Variants in DCC observed in about 807,000 individuals in gnomAD.
DCC encodes DCC netrin 1 receptor.
DCC carries 58 observed loss-of-function variants against 172.5 expected under a neutral mutation model. The observed-to-expected ratio is 0.34, with a 90% CI of 0.27 to 0.42. The LOEUF (loss-of-function observed/expected upper bound fraction) is 0.42, where lower values mean the gene tolerates loss of function less well. Among genes scored for constraint, DCC ranks in the 10% least tolerant of loss-of-function variants. The pLI is 1.00. For missense variants in DCC, 1,740 were observed against 1,791.0 expected, an observed-to-expected ratio of 0.97 and a Z score of 0.51; for synonymous variants, 709 against 644.5, an observed-to-expected ratio of 1.10 and a Z score of -1.52.
intron 1 of DCC, among the ~76,000 whole-genome samples, chr18:52,404,405 G>A (rs1421641561): frequency 2.0e-5 from 3 of 150,038 alleles, no homozygotes; most frequent in African/African-American, 7.6e-5. Context: ...GATAACATAA[G>A]AGTAAAATGA....
chr18:52,825,663 TATG>T (rs1205913270), intron 2 of DCC, among the ~76,000 whole-genome samples: 1 of 149,780 alleles, frequency 6.7e-6, no homozygotes, highest in African/African-American at 2.5e-5. Context: ...TAATGGAAAA[TATG>T]ATCATAATTG....
intron 1 of DCC, among the ~76,000 whole-genome samples, chr18:52,560,830 AT>A (rs2033019251): frequency 6.6e-6 from 1 of 152,222 alleles, no homozygotes; most frequent in African/African-American, 2.4e-5. Context: ...ACTGGATGTG[AT>A]ATAAAGTATT....
At chr18:52,942,331 T>A (rs1415320094) in intron 5 of DCC, among the ~76,000 whole-genome samples, 1 of 152,222 alleles carries the variant, frequency 6.6e-6, no homozygotes, top group Admixed American at 6.5e-5. Flanking sequence ...ACTTTTCTAA[T>A]ACATTATTTC....
At chr18:53,007,329 T>C (rs533342869) in intron 5 of DCC, among the ~76,000 whole-genome samples, 43 of 152,252 alleles carry the variant, frequency 2.8e-4, no homozygotes, top group Non-Finnish European at 5.4e-4. Flanking sequence ...TGTCAGCCAA[T>C]TAAATGAGCA....
intron 1 of DCC, among the ~76,000 whole-genome samples, chr18:52,450,594 C>T (rs1309750291): frequency 6.6e-6 from 1 of 152,148 alleles, no homozygotes; most frequent in Non-Finnish European, 1.5e-5. Context: ...CCTGCCCAAA[C>T]GTTTCTTACT....
chr18:53,300,989 C>CTTTCTTTCTTTCTTTCTTTCT (rs1458725496), intron 12 of DCC, among the ~76,000 whole-genome samples: 2 of 146,590 alleles, frequency 1.4e-5, no homozygotes, highest in Admixed American at 1.4e-4. Context: ...TTCTTTCTTT[C>CTTTCTTTCTTTCTTTCTTTCT]TTTTTTTTTC....
chr18:53,316,016 G>T (rs2057339933), intron 13 of DCC, among the ~76,000 whole-genome samples: 1 of 152,028 alleles, frequency 6.6e-6, no homozygotes, highest in Non-Finnish European at 1.5e-5. Context: ...CATTGCTTTT[G>T]GTGTTTTAGT....
chr18:53,368,218 T>C (rs574856681), intron 15 of DCC, among the ~76,000 whole-genome samples: 11 of 152,204 alleles, frequency 7.2e-5, no homozygotes, highest in Non-Finnish European at 1.3e-4. Flanking sequence ...CTTGTACTTA[T>C]TGGCCATTGT....
At chr18:52,622,245 G>A (rs1000946490) in intron 1 of DCC, among the ~76,000 whole-genome samples, 4 of 152,116 alleles carry the variant, frequency 2.6e-5, no homozygotes, top group Admixed American at 6.5e-5. Flanking sequence ...CCAAGGTTCT[G>A]GAAATGGAGT....
intron 1 of DCC, among the ~76,000 whole-genome samples, chr18:52,719,096 G>C (rs1046106444): frequency 6.6e-6 from 1 of 151,948 alleles, no homozygotes; most frequent in African/African-American, 2.4e-5. Flanking sequence ...TCCAACCTCT[G>C]CCTCTGTGGC....
chr18:52,788,416 C>T (rs949958959), intron 2 of DCC, among the ~76,000 whole-genome samples: 2 of 152,114 alleles, frequency 1.3e-5, no homozygotes, highest in Non-Finnish European at 2.9e-5. Flanking sequence ...CAGGCCTTAC[C>T]TATCTGTAAA....
In DCC at chr18:53,459,431, C is replaced by G; in HGVS notation, c.3592C>G (p.Leu1198Val). ...PVSHSQSETQ[L>V]GSKSTSHSGQ... ...CAGCCACAGCCAGTCAGAAACCCAA[C>G]TGGGAAGCAAAAGCACCTCTCATTC... The change falls in exon 24 of 29, where the codon CTG becomes GTG. Residue 1198 changes from leucine to valine, a missense_variant. Physicochemically the swap from Leu to Val is conservative, Grantham distance 32. Transcript: ENST00000442544. 2 of 1,613,010 alleles carry G rather than the reference C, an allele frequency of 1.2e-6. No homozygotes were observed. Among genetic ancestry groups the G allele is most frequent in the South Asian group, 2.2e-5 (2 of 91,064 alleles).
intron 2 of DCC, among the ~76,000 whole-genome samples, chr18:52,884,465 G>T (rs1395492793): frequency 6.6e-6 from 1 of 151,364 alleles, no homozygotes; most frequent in East Asian, 1.9e-4. Flanking sequence ...TGCTCAATCA[G>T]TTTTGCTATT....
intron 2 of DCC, among the ~76,000 whole-genome samples, chr18:52,900,154 C>A (rs1051223254): frequency 3.3e-5 from 5 of 152,304 alleles, no homozygotes; most frequent in East Asian, 3.9e-4. Context: ...TCTGTTACTG[C>A]ATTGAACTAT....
At chr18:53,426,313 T>A (rs1378004727) in intron 21 of DCC, among the ~76,000 whole-genome samples, 1 of 50,362 alleles carries the variant, frequency 2.0e-5, no homozygotes, top group Non-Finnish European at 7.5e-5. Context: ...ATAATATATA[T>A]TATATATTTA....
At chr18:52,692,752 T>C (rs1276073572) in intron 1 of DCC, among the ~76,000 whole-genome samples, 4 of 152,110 alleles carry the variant, frequency 2.6e-5, no homozygotes, top group Non-Finnish European at 5.9e-5. Flanking sequence ...TTAGAGGCTG[T>C]TTTTATTTAC....
intron 27 of DCC, among the ~76,000 whole-genome samples, chr18:53,515,531 A>G (rs938205141): frequency 3.7e-4 from 55 of 146,976 alleles, no homozygotes; most frequent in Non-Finnish European, 6.9e-4. Context: ...AGACGACATG[A>G]TTGTATATCT....
rs532258334 is a variant in DCC at position 53,032,367 on chromosome 18, C to A, written c.986-30938C>A. On this transcript the variant is annotated intron_variant, in intron 5 of 28. Transcript: ENST00000442544. ...AGTGTATGTATTTCTCATTTGATTT[C>A]TTTGTTGTCAGCTCTTTGCATGGAA... 7.9e-5 allele frequency among the ~76,000 whole-genome samples: 12 copies of A among 152,128 alleles called. 1 individual carries two copies. The South Asian group carries it at 2.5e-3, about 32-fold the overall frequency.
intron 12 of DCC, among the ~76,000 whole-genome samples, chr18:53,297,234 T>C (rs2057078609): frequency 6.6e-6 from 1 of 152,192 alleles, no homozygotes; most frequent in Admixed American, 6.5e-5. Context: ...CACCACATCA[T>C]TGAATTGGAC....
Sources: gnomAD v4.1 joint callset for allele counts (sites outside exome capture counted in the v4.1 genomes callset) on GRCh38, gnomAD v4.1.1 for gene constraint, MANE v1.5 for transcripts, NCBI Gene and HGNC (gene_info 2026-07-23, HGNC 2026-07-21) for gene names.